Variants in LRPPRC observed in about 807,000 individuals in gnomAD.
The protein encoded by LRPPRC is leucine rich pentatricopeptide repeat containing.
LRPPRC carries 120 observed loss-of-function variants against 180.3 expected under a neutral mutation model. That is an observed-to-expected ratio of 0.67 (90% CI 0.57 to 0.77). The LOEUF (loss-of-function observed/expected upper bound fraction) is 0.77, where lower values mean the gene tolerates loss of function less well. LRPPRC is among the 30% of genes least tolerant of loss of function. The pLI is 0.00. For missense variants in LRPPRC, 2,012 were observed against 1,657.2 expected, an observed-to-expected ratio of 1.21 and a Z score of -3.72; for synonymous variants, 723 against 600.0, an observed-to-expected ratio of 1.21 and a Z score of -3.00.
chr2:43,889,301 C>G (rs560364438), intron 37 of LRPPRC, among the ~76,000 whole-genome samples: 1 of 98,988 alleles, frequency 1.0e-5, no homozygotes, highest in East Asian at 3.0e-4. Context: ...GGCAACACAG[C>G]GAGACTCCAT....
At chr2:43,976,866 T>C (rs1674080183) in intron 5 of LRPPRC, 128 bp downstream of exon 5, 4 of 722,956 alleles carry the variant, frequency 5.5e-6, no homozygotes, top group South Asian at 5.0e-5. Flanking sequence ...TACCAGATTT[T>C]CTAGATTAAA....
chr2:43,899,161 C>T, intron 34 of LRPPRC, 58 bp downstream of exon 34: 3 of 1,170,162 alleles, frequency 2.6e-6, no homozygotes, highest in Non-Finnish European at 3.8e-6. Context: ...CTAGTAATTT[C>T]TCAATTTACT....
chr2:43,940,614 G>A (rs1672445528), intron 23 of LRPPRC, among the ~76,000 whole-genome samples: 1 of 152,100 alleles, frequency 6.6e-6, no homozygotes, highest in African/African-American at 2.4e-5. Context: ...TTGATCACTT[G>A]CACCAACATA....
intron 11 of LRPPRC, among the ~76,000 whole-genome samples, chr2:43,968,241 AG>A (rs1673645366): frequency 6.6e-6 from 1 of 152,230 alleles, no homozygotes; most frequent in Non-Finnish European, 1.5e-5. Flanking sequence ...GAAATATGCC[AG>A]GAACTGTGCT....
Position 43,967,033 on chromosome 2 carries a change from A to G in LRPPRC, c.1370-3327T>C, listed in dbSNP as rs571480448. 5.5e-3 allele frequency among the ~76,000 whole-genome samples: 837 copies of G among 152,286 alleles called. 10 individuals carry two copies. Among genetic ancestry groups the G allele is most frequent in the African/African-American group, 0.019 (801 of 41,570 alleles). On this transcript the variant is annotated intron_variant, in intron 11 of 37. Coordinates refer to ENST00000260665, the MANE Select transcript of LRPPRC (RefSeq NM_133259.4). ...CCCACTGCACTCCAGCCTGGGTGAC[A>G]GAGCCTCCATAACTAGCTGAGGTGA... is the stretch of plus-strand genomic sequence containing the variant.
At chr2:43,916,763 G>A (rs372343908) in intron 29 of LRPPRC, among the ~76,000 whole-genome samples, 5 of 151,738 alleles carry the variant, frequency 3.3e-5, no homozygotes, top group East Asian at 3.9e-4. Context: ...AGACCAGCCC[G>A]GGCAACATAG....
At chr2:43,983,091 AAAAT>A (rs1355295258) in intron 1 of LRPPRC, among the ~76,000 whole-genome samples, 4 of 152,182 alleles carry the variant, frequency 2.6e-5, no homozygotes, top group African/African-American at 4.8e-5. Flanking sequence ...ACTGCCACCA[AAAAT>A]AAATAAAGTG....
rs748183620 is a variant in LRPPRC, at chr2:43,948,460, C to T, written c.1794G>A (p.Gln598=). 5.0e-6 allele frequency: 8 copies of T among 1,613,346 alleles called. No homozygotes were observed. Among genetic ancestry groups the T allele is most frequent in the Non-Finnish European group, 6.8e-6 (8 of 1,179,324 alleles). Residue 598 remains glutamine (Q), a synonymous_variant, in exon 17 of 38, where the codon CAG becomes CAA. Coordinates refer to ENST00000260665, the MANE Select transcript of LRPPRC (RefSeq NM_133259.4). ...ATTGTCTCAAATGCTCCTCCTTGGC[C>T]TGTACCTCTGAGTCACTCATGCTGT... ...LIDSMSDSEV[Q]AKEEHLRQYF... is the part of the protein sequence containing the mutation.
chr2:43,900,328 C>T (rs1344583158), intron 32 of LRPPRC, among the ~76,000 whole-genome samples: 1 of 151,946 alleles, frequency 6.6e-6, no homozygotes, highest in African/African-American at 2.4e-5. Context: ...TACCATATGG[C>T]ATACTAAATC....
chr2:43,940,048 A>G lies in LRPPRC; in HGVS notation c.2504+3639T>C, dbSNP rs181862500. ...AGCACATGAAGCCTGTCATTTACCA[A>G]TCATCCTTCAAAAAGCAATAGCCAT... On this transcript the variant is annotated intron_variant, in intron 23 of 37. Coordinates refer to ENST00000260665, the MANE Select transcript of LRPPRC (RefSeq NM_133259.4). Among the ~76,000 whole-genome samples the G allele has an allele frequency of 1.2e-4, 19 of 152,306 alleles. No homozygotes were observed. The East Asian group carries it at 1.9e-3, about 15-fold the overall frequency.
chr2:43,976,526 T>C (rs910406608), intron 5 of LRPPRC, among the ~76,000 whole-genome samples: 20 of 152,220 alleles, frequency 1.3e-4, no homozygotes, highest in African/African-American at 4.8e-4. Context: ...TTTCATAAGA[T>C]TCTTTTAGAT....
intron 7 of LRPPRC, 24 bp downstream of exon 7, chr2:43,975,067 T>A (rs1308442700): frequency 6.2e-7 from 1 of 1,609,070 alleles, no homozygotes; most frequent in Admixed American, 1.7e-5. Flanking sequence ...TTTTAAAGTA[T>A]GTTTATTTAG....
chr2:43,935,027 A>G lies in LRPPRC; in HGVS notation c.2505-149T>C, dbSNP rs11899538. ...GAAAACCACAAAGCTAAAATGGGGGAAAAAAAGAAACAATCTTTATATATA... is the reference window on the plus strand; with the variant it reads ...GAAAACCACAAAGCTAAAATGGGGGGAAAAAAGAAACAATCTTTATATATA... On this transcript the variant is annotated intron_variant, in intron 23 of 37. Coordinates refer to ENST00000260665, the MANE Select transcript of LRPPRC (RefSeq NM_133259.4). The G allele has an allele frequency of 0.13, 76,822 of 591,592 alleles. 8,465 individuals are homozygous for G. Among genetic ancestry groups the G allele is most frequent in the East Asian group, 0.49 (17,064 of 34,630 alleles). The allele number at this position is 591,592 out of a possible 1,614,324, so 36.6% of individuals were successfully genotyped here.
chr2:43,895,671 ATATCT>A (rs1412440989), intron 35 of LRPPRC, among the ~76,000 whole-genome samples: 1 of 152,238 alleles, frequency 6.6e-6, no homozygotes, highest in African/African-American at 2.4e-5. Flanking sequence ...AAGTGTAGGT[ATATCT>A]AGGGGAAGGG....
chr2:43,909,532 A>G (rs981686442), intron 30 of LRPPRC, among the ~76,000 whole-genome samples: 15 of 152,054 alleles, frequency 9.9e-5, no homozygotes, highest in African/African-American at 3.6e-4. Flanking sequence ...TAGTGCTAAC[A>G]GCTAACAATA....
At chr2:43,973,208 C>A (rs1456755830) in intron 11 of LRPPRC, among the ~76,000 whole-genome samples, 2 of 151,958 alleles carry the variant, frequency 1.3e-5, no homozygotes, top group South Asian at 4.2e-4. Context: ...TAGATTGGCC[C>A]ACAAAGAAAA....
At chr2:43,931,875 G>A (rs1349144270) in intron 25 of LRPPRC, among the ~76,000 whole-genome samples, 2 of 151,884 alleles carry the variant, frequency 1.3e-5, no homozygotes, top group Non-Finnish European at 2.9e-5. Context: ...TTCCCAGTTG[G>A]ACCAGTTTCC....
At chr2:43,979,322 G>C (rs1057235150) in intron 3 of LRPPRC, among the ~76,000 whole-genome samples, 1 of 151,980 alleles carries the variant, frequency 6.6e-6, no homozygotes, top group East Asian at 1.9e-4. Flanking sequence ...ATACTCTGGA[G>C]AACACCCCCA....
chr2:43,929,121 T>C (rs1671992595), intron 25 of LRPPRC, among the ~76,000 whole-genome samples: 1 of 152,228 alleles, frequency 6.6e-6, no homozygotes, highest in African/African-American at 2.4e-5. Context: ...GATGAATTTC[T>C]ATCTGAAATG....
Sources: allele counts gnomAD v4.1 joint callset (sites outside exome capture counted in the v4.1 genomes callset), GRCh38; gene constraint gnomAD v4.1.1; transcripts MANE v1.5; gene names NCBI Gene and HGNC (gene_info 2026-07-23, HGNC 2026-07-21).